Variants in TOM1 observed in about 807,000 individuals in gnomAD.
The protein encoded by TOM1 is target of Myb protein 1.
TOM1 carries 38 observed loss-of-function variants against 61.3 expected under a neutral mutation model. The ratio of observed to expected loss-of-function variants is 0.62; its 90% CI spans 0.48 to 0.81. The LOEUF is 0.81. TOM1 is among the 40% of genes least tolerant of loss of function. The probability of loss-of-function intolerance (pLI) is 0.00; values close to 1 mark genes in which losing one functional copy is unlikely to be tolerated. For missense variants in TOM1, 591 were observed against 659.6 expected (o/e 0.90, Z 1.14); for synonymous variants, 270 against 268.8 (o/e 1.00, Z -0.04).
chr22:35,345,274 G>T (rs1930410128), intron 12 of TOM1: 2 of 201,026 alleles, frequency 9.9e-6, no homozygotes, highest in Non-Finnish European at 2.1e-5. Context: ...GGGGACCCCT[G>T]GCCCACTAAC....
intron 12 of TOM1, among the ~76,000 whole-genome samples, chr22:35,340,785 A>T (rs1296745481): frequency 6.6e-6 from 1 of 152,208 alleles, no homozygotes; most frequent in African/African-American, 2.4e-5. Context: ...AGTTGTGGAA[A>T]CCGTCCAGGC....
chr22:35,303,684 G>T (rs536173531), intron 1 of TOM1, among the ~76,000 whole-genome samples: 1 of 152,028 alleles, frequency 6.6e-6, no homozygotes, highest in South Asian at 2.1e-4. Flanking sequence ...TTTTAGTAGA[G>T]ATGGGGTTTC....
intron 12 of TOM1, among the ~76,000 whole-genome samples, chr22:35,340,225 C>T (rs1268115683): frequency 1.3e-5 from 2 of 152,066 alleles, no homozygotes; most frequent in African/African-American, 4.8e-5. Context: ...GGGTGGTGGA[C>T]CTGGGGCCGA....
rs5750100 is a variant in TOM1 at position 35,344,650 on chromosome 22, G to T, written c.1225-1075G>T. On this transcript the variant is annotated intron_variant, in intron 12 of 14. Transcript: ENST00000449058. ...TCTGGGCTCTGCTCCTGCCTGGGGG[G>T]TCCTCAGGTGCTGGGTGACAGAGCT... 0.014 allele frequency: 2,120 copies of T among 152,372 alleles called. 81 individuals are homozygous for T. In the East Asian group the frequency reaches 0.15, roughly 11 times the overall value. 9.4% of individuals were successfully genotyped at this position (152,372 alleles called of 1,614,324 possible).
At position 35,338,649 on chromosome 22, in the gene TOM1, G is replaced by A. The variant is rs139259966; in HGVS notation, c.1149-64G>A. On this transcript the variant is annotated intron_variant, in intron 11 of 14. Coordinates refer to ENST00000449058, the MANE Select transcript of TOM1 (RefSeq NM_005488.3). ...GCCGTCAATCTGTGCCCCCCAGCCC[G>A]CTCCGTTCTTGCATCAGCCATCGGT... is the stretch of plus-strand genomic sequence containing the variant. 397 of 1,381,066 alleles carry A rather than the reference G, an allele frequency of 2.9e-4. 1 individual carries two copies. In the African/African-American group the frequency reaches 5.2e-3, roughly 18 times the overall value. 85.6% of individuals were successfully genotyped at this position (1,381,066 alleles called of 1,614,324 possible).
upstream of TOM1, chr22:35,299,872 G>T (rs993928242): frequency 6.4e-7 from 1 of 1,550,922 alleles, no homozygotes; most frequent in Non-Finnish European, 8.7e-7. Flanking sequence ...CGGGTCGGTG[G>T]CGCTGGCGGT....
chr22:35,333,345 G>A (rs766956377), intron 9 of TOM1, 59 bp from the exon 10 acceptor site: 16 of 1,510,302 alleles, frequency 1.1e-5, no homozygotes, highest in Admixed American at 3.4e-5. Flanking sequence ...AGTGCTTGGG[G>A]CAGAAAGGAA....
At chr22:35,327,782 G>A (rs1928469987) in intron 7 of TOM1, among the ~76,000 whole-genome samples, 1 of 152,192 alleles carries the variant, frequency 6.6e-6, no homozygotes, top group African/African-American at 2.4e-5. Flanking sequence ...CAGAATCCGA[G>A]ACTCAGCAGG....
intron 12 of TOM1, among the ~76,000 whole-genome samples, chr22:35,343,523 ACAC>A (rs1930174420): frequency 7.3e-6 from 1 of 137,518 alleles, no homozygotes; most frequent in Admixed American, 7.4e-5. Context: ...ACACCTACAC[ACAC>A]CACACACACA....
intron 7 of TOM1, among the ~76,000 whole-genome samples, chr22:35,328,822 G>A (rs715514): frequency 0.063 from 9,551 of 152,294 alleles, 372 homozygotes; most frequent in Non-Finnish European, 0.082. Context: ...GGCCACAGTC[G>A]GCAATGCCGG....
chr22:35,316,262 T>G (rs1223820678), intron 1 of TOM1, among the ~76,000 whole-genome samples: 2 of 152,232 alleles, frequency 1.3e-5, no homozygotes, highest in African/African-American at 4.8e-5. Flanking sequence ...AAAGCCTGTC[T>G]TATCACACAG....
In TOM1 at chr22:35,330,333, TC is replaced by T. The variant is rs1928727608; in HGVS notation, c.766-12del. 3 of 1,604,254 alleles carry T rather than the reference TC, an allele frequency of 1.9e-6. No homozygotes were observed. Among genetic ancestry groups the T allele is most frequent in the Non-Finnish European group, 2.5e-6 (3 of 1,176,838 alleles). On this transcript the variant is annotated splice_polypyrimidine_tract_variant and intron_variant, in intron 7 of 14. Transcript: ENST00000449058. ...GTCATGTGACTGTGGTTGCCTCACT[TC>T]CTTTCCTGGCAGGAGCTCAACCGCA...
At chr22:35,347,034 C>A (rs1349504435) in intron 14 of TOM1, 21 bp from the exon 15 acceptor site, 2 of 1,610,000 alleles carry the variant, frequency 1.2e-6, no homozygotes, top group Admixed American at 1.7e-5. Flanking sequence ...GGCCTACCCT[C>A]ACCCTCTCCC....
intron 1 of TOM1, among the ~76,000 whole-genome samples, chr22:35,316,247 G>A (rs556225198): frequency 1.8e-4 from 28 of 152,354 alleles, no homozygotes; most frequent in South Asian, 4.1e-4. Context: ...CTTAAAAGGC[G>A]GAGCAAAGCC....
At chr22:35,308,996 A>T (rs1434121087) in intron 1 of TOM1, among the ~76,000 whole-genome samples, 1 of 152,196 alleles carries the variant, frequency 6.6e-6, no homozygotes, top group Non-Finnish European at 1.5e-5. Context: ...GGAAAGAGTT[A>T]TTCCTTTGGA....
chr22:35,302,488 C>T (rs528512909), intron 1 of TOM1, among the ~76,000 whole-genome samples: 6 of 151,920 alleles, frequency 3.9e-5, no homozygotes, highest in South Asian at 4.2e-4. Context: ...AGGCACGCTC[C>T]GCCACACCCG....
At chr22:35,342,047 G>A (rs550156418) in intron 12 of TOM1, among the ~76,000 whole-genome samples, 9 of 152,136 alleles carry the variant, frequency 5.9e-5, no homozygotes, top group East Asian at 1.9e-4. Context: ...AGGCTGAAGC[G>A]GGAGGATCAC....
chr22:35,347,102 C>T lies in TOM1; in HGVS notation c.1372C>T (p.Pro458Ser), dbSNP rs754926696. 2 of 1,613,622 alleles carry T rather than the reference C, an allele frequency of 1.2e-6. No homozygotes were observed. The highest frequency in any genetic ancestry group is 2.2e-5 in the East Asian group (1 of 44,864). Residue 458 changes from proline to serine, a missense_variant, in exon 15 of 15, where the codon CCC (proline) becomes TCC (serine). Pro to Ser is a moderately conservative substitution (Grantham distance 74, BLOSUM62 -1). Coordinates refer to ENST00000449058, the MANE Select transcript of TOM1 (RefSeq NM_005488.3). ...ACGGGCCAAAGCCGCGGACCGATTG[C>T]CCAACCTCTCCAGCCCCTCAGCTGA... ...EERAKAADRL[P>S]NLSSPSAEGP...
chr22:35,333,514 G>T lies in TOM1; in HGVS notation c.1027+17G>T, dbSNP rs766329661. 6.2e-7 allele frequency: 1 copy of T among 1,612,942 alleles called. No individual in the cohort carries two copies. On this transcript the variant is annotated intron_variant, in intron 10 of 14. Transcript: ENST00000449058. ...CAGGAATGAGTAAGTGTGGTTTGGA[G>T]GGCTCCAGCTGAGGGTACATTATGG...
Sources: gnomAD v4.1 joint callset for allele counts (sites outside exome capture counted in the v4.1 genomes callset) on GRCh38, gnomAD v4.1.1 for gene constraint, MANE v1.5 for transcripts, NCBI Gene and HGNC (gene_info 2026-07-23, HGNC 2026-07-21) for gene names.